The following MAEA variants were observed in gnomAD, a reference collection of about 807,000 sequenced individuals.
The protein encoded by MAEA is macrophage erythroblast attacher, E3 ubiquitin ligase, also known as E3 ubiquitin-protein transferase MAEA.
A neutral mutation model predicts 46.2 loss-of-function variants in MAEA; 22 were observed. That is an observed-to-expected ratio of 0.48 (90% CI 0.34 to 0.68). The LOEUF (loss-of-function observed/expected upper bound fraction) is 0.68. MAEA is among the 30% of genes least tolerant of loss of function. MAEA has a pLI of 0.01. For missense variants in MAEA, 393 were observed against 558.1 expected (o/e 0.70, Z 2.98); for synonymous variants, 246 against 222.6 (o/e 1.11, Z -0.94).
intron 8 of MAEA, 161 bp from the exon 9 acceptor site, chr4:1,338,913 C>T (rs540515299): frequency 1.6e-5 from 11 of 689,302 alleles, no homozygotes; most frequent in East Asian, 5.4e-5. Context: ...GAAGGACAGG[C>T]GAGGTGGCCC....
At chr4:1,329,747 T>A in intron 5 of MAEA, 1 of 983,402 alleles carries the variant, frequency 1.0e-6, no homozygotes, top group Non-Finnish European at 1.2e-6. Flanking sequence ...GGTGAGGGAG[T>A]GCGGGTGTTT....
In MAEA at chr4:1,311,231, G is replaced by T. The variant is rs1191167411; in HGVS notation, c.70-748G>T. ...CACCAGTGCAGCCAGGACCGCAGGTGGTGTTTCCTGCGGGAGCCCGGCCAC... is the reference window on the plus strand; with the variant it reads ...CACCAGTGCAGCCAGGACCGCAGGTTGTGTTTCCTGCGGGAGCCCGGCCAC... On this transcript the variant is annotated intron_variant, in intron 1 of 8. Transcript: ENST00000303400. The surrounding 1 kb of genome is among the most constrained non-coding windows in gnomAD (Gnocchi z 4.4). Among the ~76,000 whole-genome samples, 1 of 152,248 alleles carries T rather than the reference G, an allele frequency of 6.6e-6. No homozygotes were observed. Among genetic ancestry groups the T allele is most frequent in the Non-Finnish European group, 1.5e-5 (1 of 68,046 alleles).
At chr4:1,318,290 G>A (rs1271533749) in intron 3 of MAEA, among the ~76,000 whole-genome samples, 1 of 152,154 alleles carries the variant, frequency 6.6e-6, no homozygotes, top group African/African-American at 2.4e-5. Context: ...CATGAGCTGT[G>A]GGTGCCCCTG....
chr4:1,328,781 G>A (rs1191858563), intron 5 of MAEA: 2 of 1,111,304 alleles, frequency 1.8e-6, no homozygotes, highest in East Asian at 1.6e-4. Context: ...CCGGGGTCCT[G>A]CTCCGGCTCC....
intron 3 of MAEA, among the ~76,000 whole-genome samples, chr4:1,320,782 G>A (rs780356403): frequency 4.6e-5 from 7 of 152,100 alleles, no homozygotes; most frequent in Non-Finnish European, 2.9e-5. Flanking sequence ...CTATGAAGGG[G>A]CTTCAGAAAA....
chr4:1,294,956 A>T (rs182284004), intron 1 of MAEA, among the ~76,000 whole-genome samples: 2 of 152,210 alleles, frequency 1.3e-5, no homozygotes, highest in African/African-American at 2.4e-5. Flanking sequence ...CAGTAGGCAC[A>T]CAGGCACACA....
intron 6 of MAEA, chr4:1,334,803 C>T (rs1712532521): frequency 1.1e-6 from 1 of 905,332 alleles, no homozygotes; most frequent in Admixed American, 6.2e-5. Context: ...CAGAGGCAAC[C>T]AGTCCTGGGG....
rs916408945 is a variant in MAEA at position 1,339,257 on chromosome 4, C to T, written c.*88C>T. The stretch of plus-strand genomic sequence containing the variant: ...CCTCCTGTCCCACGCTCCAGCCTGC[C>T]GCGGCGTTTCTGTTTCTTGCGACCA... On this transcript the variant is annotated 3_prime_UTR_variant, in exon 9 of 9. Coordinates refer to ENST00000303400, the MANE Select transcript of MAEA (RefSeq NM_001017405.3). 11 of 930,290 alleles carry T rather than the reference C, an allele frequency of 1.2e-5. No homozygotes were observed. The highest frequency in any genetic ancestry group is 2.7e-5 in the South Asian group (2 of 73,706). The allele number at this position is 930,290 out of a possible 1,614,324, so 57.6% of individuals were successfully genotyped here.
chr4:1,301,277 G>T (rs181672237), intron 1 of MAEA, among the ~76,000 whole-genome samples: 1 of 152,196 alleles, frequency 6.6e-6, no homozygotes, highest in African/African-American at 2.4e-5. Flanking sequence ...GGCAGCGGGC[G>T]GGCAGGTGCA....
chr4:1,312,035 G>A lies in MAEA; in HGVS notation c.126G>A (p.Arg42=), dbSNP rs1393004837. ...GCGCCGCTCAGAAGAACATTGACCG[G>A]GAGACCAGCCACGTCACCATGGTGG... ...RFRAAQKNID[R]ETSHVTMVVA... is the part of the protein sequence containing the mutation. Residue 42 remains arginine (R), a synonymous_variant, in exon 2 of 9, where the codon CGG becomes CGA. Coordinates refer to ENST00000303400, the MANE Select transcript of MAEA (RefSeq NM_001017405.3). 6.2e-7 allele frequency: 1 copy of A among 1,614,038 alleles called. No homozygotes were observed. Among genetic ancestry groups the A allele is most frequent in the East Asian group, 2.2e-5 (1 of 44,874 alleles).
In MAEA at chr4:1,294,692, C is replaced by T. The variant is rs571217372; in HGVS notation, c.69+4710C>T. ...ATGGGGAGACAAGTGAGGCCCCTGT[C>T]TACGCTCCGGTGGGAGGGAGGCATC... On this transcript the variant is annotated intron_variant, in intron 1 of 8. Transcript: ENST00000303400. Among the ~76,000 whole-genome samples the T allele has an allele frequency of 1.7e-3, 252 of 151,866 alleles. 6 individuals carry two copies. In the South Asian group the frequency reaches 0.049, roughly 30 times the overall value.
intron 4 of MAEA, 59 bp downstream of exon 4, chr4:1,322,562 C>T: frequency 6.3e-7 from 1 of 1,595,590 alleles, no homozygotes; most frequent in Non-Finnish European, 8.5e-7. Context: ...CGCCACCTGC[C>T]CTGGAGCCAG....
At chr4:1,321,861 G>GTTT (rs1240201773) in intron 3 of MAEA, among the ~76,000 whole-genome samples, 4 of 134,942 alleles carry the variant, frequency 3.0e-5, no homozygotes, top group Non-Finnish European at 4.7e-5. Flanking sequence ...GGGTTACTCT[G>GTTT]TTTTTTTTGT....
intron 1 of MAEA, among the ~76,000 whole-genome samples, chr4:1,310,661 G>C (rs1014204880): frequency 6.6e-5 from 10 of 152,238 alleles, no homozygotes; most frequent in African/African-American, 2.4e-4. Context: ...CTGTGTGGCT[G>C]TCTGGTGTGG....
intron 1 of MAEA, among the ~76,000 whole-genome samples, chr4:1,304,099 CCT>C (rs1394938563): frequency 6.6e-6 from 1 of 152,100 alleles, no homozygotes; most frequent in Non-Finnish European, 1.5e-5. Flanking sequence ...CCCTCCTCCC[CCT>C]GTCAGTCGTG....
chr4:1,338,408 G>C lies in MAEA; in HGVS notation c.900-14G>C. Reference sequence around the variant, plus strand: ...CCTGAGTGGCCCCCAACCCTTCCTTGACCCGATGCTCAGACAGTGCTACAA... The same window carrying C: ...CCTGAGTGGCCCCCAACCCTTCCTTCACCCGATGCTCAGACAGTGCTACAA... On this transcript the variant is annotated splice_polypyrimidine_tract_variant and intron_variant, in intron 7 of 8. Transcript: ENST00000303400. 6.2e-7 allele frequency: 1 copy of C among 1,603,396 alleles called. No homozygotes were observed. Among genetic ancestry groups the C allele is most frequent in the Non-Finnish European group, 8.5e-7 (1 of 1,172,686 alleles).
intron 6 of MAEA, among the ~76,000 whole-genome samples, chr4:1,333,904 GCCCACC>G (rs1712255194): frequency 7.4e-5 from 2 of 27,198 alleles, no homozygotes; most frequent in Non-Finnish European, 1.4e-4. Flanking sequence ...CCACCCCCAT[GCCCACC>G]TGTGCTCACC....
Position 1,338,582 on chromosome 4 carries a change from A to G in MAEA, c.1060A>G (p.Met354Val). The G allele has an allele frequency of 1.2e-6, 2 of 1,612,864 alleles. No homozygotes were observed. The highest frequency in any genetic ancestry group is 1.1e-5 in the South Asian group (1 of 91,022). ...CGTGATGAACGAGAACAATCCGCCCATGATGCTGCCCAACGGCTACGTCTA... is the reference window on the plus strand; with the variant it reads ...CGTGATGAACGAGAACAATCCGCCCGTGATGCTGCCCAACGGCTACGTCTA... ...GDVMNENNPP[M>V]MLPNGYVYGY... is the part of the protein sequence containing the mutation. Residue 354 changes from methionine (M) to valine (V), a missense_variant, in exon 8 of 9, where the codon ATG (methionine) becomes GTG (valine). Met to Val is a conservative substitution (Grantham distance 21). This residue lies in a region of MAEA where 358 missense variants were observed against 537.9 expected (regional missense o/e 0.67). Coordinates refer to ENST00000303400, the MANE Select transcript of MAEA (RefSeq NM_001017405.3).
rs551560837 is a variant in MAEA at position 1,328,909 on chromosome 4, C to T, written c.656+1206C>T. ...GGGCTAAAGCGGGGATCTCGGGACC[C>T]GGGCCAGTGGAGAGTGGCGTGTGAG... On this transcript the variant is annotated intron_variant, in intron 5 of 8. Transcript: ENST00000303400. The T allele has an allele frequency of 7.2e-5, 73 of 1,011,732 alleles. No homozygotes were observed. In the African/African-American group the frequency reaches 9.6e-4, roughly 13 times the overall value. The allele number at this position is 1,011,732 out of a possible 1,614,324, so 62.7% of individuals were successfully genotyped here.
Sources: allele counts gnomAD v4.1 joint callset (sites outside exome capture counted in the v4.1 genomes callset), GRCh38; gene constraint gnomAD v4.1.1; regional missense constraint gnomAD v4.1.1; non-coding constraint Gnocchi (gnomAD v3.1); transcripts MANE v1.5; gene names NCBI Gene and HGNC (gene_info 2026-07-23, HGNC 2026-07-21).